WDPCP: variants seen among roughly 807,000 people sequenced by gnomAD.
WDPCP encodes WD repeat-containing and planar cell polarity effector protein fritz homolog.
WDPCP carries 71 observed loss-of-function variants against 93.1 expected under a neutral mutation model. The observed-to-expected ratio is 0.76, with a 90% CI of 0.63 to 0.93. WDPCP has a LOEUF of 0.93. Among genes scored for constraint, WDPCP ranks in the 40% least tolerant of loss-of-function variants. The pLI, the probability that WDPCP is intolerant of heterozygous loss-of-function variation, is 0.00. For synonymous variants in WDPCP, 315 were observed against 315.0 expected, an observed-to-expected ratio of 1.00 and a Z score of 0.00; for missense variants, 844 against 887.4, an observed-to-expected ratio of 0.95 and a Z score of 0.62.
At position 63,597,547 on chromosome 2, in the gene WDPCP, A is replaced by G. The variant is rs1003546422; in HGVS notation, n.488+53112T>C. 7 of 1,442,848 alleles carry G rather than the reference A, an allele frequency of 4.9e-6. No individual in the cohort carries two copies. In the African/African-American group the frequency reaches 1.0e-4, roughly 21 times the overall value. The allele number at this position is 1,442,848 out of a possible 1,614,324, so 89.4% of individuals were successfully genotyped here. A position where few individuals can be genotyped will look rare whatever the true frequency, so the allele number is the denominator to read the frequency against. On this transcript the variant is annotated intron_variant and non_coding_transcript_variant, in intron 3 of 4. Transcript: ENST00000467687. Reference sequence around the variant, plus strand: ...TCTTCAAATCCCAGGGTGCAGCCTTAGATAAATACGCCAAGAAGTCAGTTA... The same window carrying G: ...TCTTCAAATCCCAGGGTGCAGCCTTGGATAAATACGCCAAGAAGTCAGTTA...
chr2:63,406,311 A>G (rs1380408835), intron 9 of WDPCP, among the ~76,000 whole-genome samples: 1 of 152,138 alleles, frequency 6.6e-6, no homozygotes, highest in Non-Finnish European at 1.5e-5. Context: ...ATAAACTGCC[A>G]TAGGATCCAT....
At chr2:63,417,397 A>G (rs959919487) in intron 9 of WDPCP, among the ~76,000 whole-genome samples, 2 of 152,154 alleles carry the variant, frequency 1.3e-5, no homozygotes, top group Non-Finnish European at 2.9e-5. Flanking sequence ...TACATTTCAA[A>G]TAAAATATAC....
chr2:63,624,553 C>A (rs929860353), intron 3 of WDPCP, among the ~76,000 whole-genome samples: 2 of 152,200 alleles, frequency 1.3e-5, no homozygotes, highest in African/African-American at 4.8e-5. Context: ...CTATAAACAT[C>A]TCTGTGTAAA....
chr2:63,473,460 T>C (rs1699800820), intron 6 of WDPCP, among the ~76,000 whole-genome samples: 1 of 152,200 alleles, frequency 6.6e-6, no homozygotes, highest in African/African-American at 2.4e-5. Flanking sequence ...ATACAAACTT[T>C]CAACATACCC....
chr2:63,607,430 G>A (rs1410636776), intron 3 of WDPCP, among the ~76,000 whole-genome samples: 1 of 151,980 alleles, frequency 6.6e-6, no homozygotes, highest in East Asian at 1.9e-4. Context: ...CCAGCTACTT[G>A]GGAGGATGAG....
chr2:63,622,330 T>C, intron 3 of WDPCP: 2 of 1,597,344 alleles, frequency 1.3e-6, no homozygotes, highest in Admixed American at 1.7e-5. Flanking sequence ...CCTTGCAGCT[T>C]AGTCAAGATA....
intron 12 of WDPCP, among the ~76,000 whole-genome samples, chr2:63,340,096 A>C (rs943510451): frequency 4.6e-5 from 7 of 152,288 alleles, no homozygotes; most frequent in African/African-American, 1.7e-4. Context: ...TTTGCATTGA[A>C]GGATTATTCA....
At chr2:63,799,491 TG>T (rs1168318877) in intron 2 of WDPCP, among the ~76,000 whole-genome samples, 16 of 152,182 alleles carry the variant, frequency 1.1e-4, no homozygotes, top group African/African-American at 3.9e-4. Context: ...ACACTAGCCC[TG>T]ATGGAGACAA....
chr2:63,809,067 G>C (rs539780497), intron 2 of WDPCP, among the ~76,000 whole-genome samples: 1 of 151,360 alleles, frequency 6.6e-6, no homozygotes, highest in East Asian at 2.0e-4. Flanking sequence ...GTCTCTGACC[G>C]GCCGCCCCGT....
rs529857885 is a variant in WDPCP at position 63,501,691 on chromosome 2, A to C, written c.76-8751T>G. Among the ~76,000 whole-genome samples, 12 of 152,280 alleles carry C rather than the reference A, an allele frequency of 7.9e-5. No homozygotes were observed. In the South Asian group the frequency reaches 2.3e-3, roughly 29 times the overall value. On this transcript the variant is annotated intron_variant, in intron 1 of 17. Coordinates refer to ENST00000272321, the MANE Select transcript of WDPCP (RefSeq NM_015910.7). The stretch of plus-strand genomic sequence containing the variant: ...GAGTGCAGCGGCGCGATCTCAGCTC[A>C]CTGCAACTTCCACCTCCCGGATTCA...
At chr2:63,413,886 G>C (rs1447473731) in intron 9 of WDPCP, among the ~76,000 whole-genome samples, 13 of 152,034 alleles carry the variant, frequency 8.6e-5, no homozygotes, top group Non-Finnish European at 2.9e-5. Flanking sequence ...AGTCAGCAGA[G>C]TAAACAGACA....
intron 1 of WDPCP, among the ~76,000 whole-genome samples, chr2:63,517,518 A>G (rs1164177546): frequency 6.6e-6 from 1 of 152,190 alleles, no homozygotes; most frequent in Non-Finnish European, 1.5e-5. Flanking sequence ...TTTTTCTAGC[A>G]GAACACTTTT....
At chr2:63,783,358 T>C (rs140751406) in intron 2 of WDPCP, among the ~76,000 whole-genome samples, 26 of 152,166 alleles carry the variant, frequency 1.7e-4, no homozygotes, top group African/African-American at 6.3e-4. Context: ...AGTTCAAGGC[T>C]GCAGTGAGAC....
intron 12 of WDPCP, among the ~76,000 whole-genome samples, chr2:63,355,835 C>T (rs1044820453): frequency 3.9e-5 from 6 of 152,178 alleles, no homozygotes; most frequent in Non-Finnish European, 7.3e-5. Context: ...TAGCAGTGAG[C>T]TGAGACTGTG....
At chr2:63,214,157 G>C in intron 14 of WDPCP, among the ~76,000 whole-genome samples, 1 of 152,164 alleles carries the variant, frequency 6.6e-6, no homozygotes, top group South Asian at 2.1e-4. Context: ...AAGCCTGGCA[G>C]AGACACAACA....
intron 2 of WDPCP, among the ~76,000 whole-genome samples, chr2:63,651,925 C>T (rs767581193): frequency 5.1e-4 from 78 of 152,304 alleles, no homozygotes; most frequent in Admixed American, 1.5e-3. Flanking sequence ...TTGCATGCTT[C>T]TTATCTGGCC....
intron 2 of WDPCP, among the ~76,000 whole-genome samples, chr2:63,651,311 T>G (rs145327631): frequency 1.3e-5 from 2 of 152,192 alleles, no homozygotes; most frequent in African/African-American, 4.8e-5. Context: ...ATAGAAGACA[T>G]GAAATTATAA....
intron 2 of WDPCP, among the ~76,000 whole-genome samples, chr2:63,661,647 A>C (rs896043495): frequency 6.6e-6 from 1 of 152,210 alleles, no homozygotes; most frequent in African/African-American, 2.4e-5. Context: ...TTCTGTTACA[A>C]TGTTCGGTTG....
intron 12 of WDPCP, among the ~76,000 whole-genome samples, chr2:63,336,860 AACC>A (rs1211835875): frequency 2.0e-5 from 3 of 150,210 alleles, no homozygotes; most frequent in Non-Finnish European, 4.4e-5. Context: ...GGCCTCTGGT[AACC>A]ACCAGTCTAC....
Sources: gnomAD v4.1 joint callset for allele counts (sites outside exome capture counted in the v4.1 genomes callset) on GRCh38, gnomAD v4.1.1 for gene constraint, MANE v1.5 for transcripts, NCBI Gene and HGNC (gene_info 2026-07-23, HGNC 2026-07-21) for gene names.